Variants in POFUT2 observed in about 807,000 individuals in gnomAD.
POFUT2 encodes the protein protein O-fucosyltransferase 2.
A neutral mutation model predicts 55.0 loss-of-function variants in POFUT2; 30 were observed. The observed-to-expected ratio is 0.55, with a 90% confidence interval of 0.41 to 0.74. The LOEUF is 0.74. POFUT2 is among the 30% of genes least tolerant of loss of function. The pLI, the probability that POFUT2 is intolerant of heterozygous loss-of-function variation, is 0.00. For synonymous variants in POFUT2, 267 were observed against 231.1 expected, an observed-to-expected ratio of 1.16 and a Z score of -1.41; for missense variants, 524 against 562.6, an observed-to-expected ratio of 0.93 and a Z score of 0.69.
At chr21:45,275,308 G>A (rs1569223432) in intron 6 of POFUT2, among the ~76,000 whole-genome samples, 1 of 152,186 alleles carries the variant, frequency 6.6e-6, no homozygotes, top group Non-Finnish European at 1.5e-5. Context: ...GGGATACTGC[G>A]ACACTCCTGG....
Position 45,287,809 on chromosome 21 carries a change from G to C in POFUT2, c.63C>G (p.Ala21=). 6.6e-7 allele frequency: 1 copy of C among 1,511,652 alleles called. No individual in the cohort carries two copies. Among genetic ancestry groups the C allele is most frequent in the Non-Finnish European group, 8.9e-7 (1 of 1,126,560 alleles). The allele number at this position is 1,511,652 out of a possible 1,614,324, so 93.6% of individuals were successfully genotyped here. A position where few individuals can be genotyped will look rare whatever the true frequency, so the allele number is the denominator to read the frequency against. Residue 21 remains alanine (A), a synonymous_variant, in exon 1 of 9, where the codon GCC becomes GCG. Transcript: ENST00000349485. The stretch of plus-strand genomic sequence containing the variant: ...GTCCGGGCCAGAACTCCTGGCCGGA[G>C]GCAGAAGCCGGAGGCCAGGACACTG... ...LGAVSWPPAS[A]SGQEFWPGQS...
Position 45,264,574 on chromosome 21 carries a change from C to G in POFUT2, c.*908G>C, listed in dbSNP as rs904338358. 7 of 152,268 alleles carry G rather than the reference C, an allele frequency of 4.6e-5. No individual in the cohort carries two copies. Among genetic ancestry groups the G allele is most frequent in the Admixed American group, 3.3e-4 (5 of 15,284 alleles). The allele number at this position is 152,268 out of a possible 1,614,324, so 9.4% of individuals were successfully genotyped here. A position where few individuals can be genotyped will look rare whatever the true frequency, so the allele number is the denominator to read the frequency against. On this transcript the variant is annotated 3_prime_UTR_variant, in exon 9 of 9. Coordinates refer to ENST00000349485, the MANE Select transcript of POFUT2 (RefSeq NM_133635.6). ...TTTGGAGTTAGCGTAACTGTCCTTC[C>G]TCATTTCTAGTTCTCAATAGCGAAT...
chr21:45,268,199 G>A (rs1020285688), intron 7 of POFUT2, among the ~76,000 whole-genome samples: 7 of 152,236 alleles, frequency 4.6e-5, no homozygotes, highest in Non-Finnish European at 7.3e-5. Flanking sequence ...TGGCCGGGCC[G>A]GTCTCCAGCC....
intron 8 of POFUT2, chr21:45,266,991 C>G: frequency 9.6e-7 from 1 of 1,038,724 alleles, no homozygotes; most frequent in Non-Finnish European, 1.2e-6. Flanking sequence ...GGAATGACTG[C>G]ACGCAGGGCC....
intron 4 of POFUT2, among the ~76,000 whole-genome samples, chr21:45,278,447 G>A (rs2030094012): frequency 6.6e-6 from 1 of 152,244 alleles, no homozygotes; most frequent in East Asian, 1.9e-4. Context: ...GTATTTGACA[G>A]TGGGCAAAAG....
chr21:45,264,357 G>C lies in POFUT2; in HGVS notation c.*1125C>G, dbSNP rs181475993. ...ATGGTGGAAAGTCACAAAGGGTAAC[G>C]GGCCAAGAGGGTGAGGGGGGCTCCC... On this transcript the variant is annotated 3_prime_UTR_variant, in exon 9 of 9. Coordinates refer to ENST00000349485, the MANE Select transcript of POFUT2 (RefSeq NM_133635.6). The C allele has an allele frequency of 5.2e-5, 8 of 152,422 alleles. 1 individual carries two copies. Among genetic ancestry groups the C allele is most frequent in the Middle Eastern group, 6.8e-3 (2 of 294 alleles). The allele number at this position is 152,422 out of a possible 1,614,324, so 9.4% of individuals were successfully genotyped here.
rs779086770 is a variant in POFUT2, at chr21:45,281,716, GC to G, written c.638+632del. ...CTGGTCTATGGGAGACGCTCACAGT[GC>G]CTGCTGGGGGATTCAGAAGACCCAA... On this transcript the variant is annotated intron_variant, in intron 4 of 8. Coordinates refer to ENST00000349485, the MANE Select transcript of POFUT2 (RefSeq NM_133635.6). This position sits in a 1 kb window ranked among gnomAD's most constrained non-coding sequence, Gnocchi z 5.0. Among the ~76,000 whole-genome samples, 2 of 152,076 alleles carry G rather than the reference GC, an allele frequency of 1.3e-5. No homozygotes were observed. The highest frequency in any genetic ancestry group is 2.9e-5 in the Non-Finnish European group (2 of 68,024).
At chr21:45,283,044 C>A in intron 3 of POFUT2, 1 of 401,224 alleles carries the variant, frequency 2.5e-6, no homozygotes, top group Non-Finnish European at 5.1e-6. Flanking sequence ...AAAGGGGAAC[C>A]GCCTGTCAAG....
Position 45,277,047 on chromosome 21 carries a change from G to A in POFUT2, c.801C>T (p.Ile267=), listed in dbSNP as rs146423023. 1 of 1,614,100 alleles carries A rather than the reference G, an allele frequency of 6.2e-7. No individual in the cohort carries two copies. Among genetic ancestry groups the A allele is most frequent in the Admixed American group, 1.7e-5 (1 of 60,028 alleles). ...TCTTCATCCAGTCCTCCTGGAAGGGGATCCTGTCTGCGTCGTCCGTGGAGT... is the reference window on the plus strand; with the variant it reads ...TCTTCATCCAGTCCTCCTGGAAGGGAATCCTGTCTGCGTCGTCCGTGGAGT... ...HLNSTDDADR[I]PFQEDWMKMK... is the part of the protein sequence containing the mutation. Residue 267 remains isoleucine (I), a synonymous_variant, in exon 6 of 9, where the codon ATC becomes ATT. Coordinates refer to ENST00000349485, the MANE Select transcript of POFUT2 (RefSeq NM_133635.6). This position sits in a 1 kb window ranked among gnomAD's most constrained non-coding sequence, Gnocchi z 6.9.
rs116304182 is a variant in POFUT2 at position 45,278,082 on chromosome 21, C to T, written c.705+21G>A. On this transcript the variant is annotated intron_variant, in intron 5 of 8. Coordinates refer to ENST00000349485, the MANE Select transcript of POFUT2 (RefSeq NM_133635.6). ...GGCAACATACACTAACTGAGAAAAA[C>T]GCTCCCGAGGAAACACTCACATCCC... The T allele has an allele frequency of 1.5e-3, 2,426 of 1,600,810 alleles. 21 individuals are homozygous for T. The African/African-American group carries it at 0.023, about 15-fold the overall frequency.
intron 6 of POFUT2, among the ~76,000 whole-genome samples, chr21:45,273,549 G>A (rs1269758781): frequency 6.6e-6 from 1 of 152,108 alleles, no homozygotes; most frequent in Non-Finnish European, 1.5e-5. Context: ...GATGAACATA[G>A]ATGCAAAAAT....
Position 45,277,810 on chromosome 21 carries a change from C to A in POFUT2, c.705+293G>T. 8.3e-6 allele frequency: 4 copies of A among 481,450 alleles called. No homozygotes were observed. The South Asian group carries it at 1.1e-4, about 13-fold the overall frequency. 29.8% of individuals were successfully genotyped at this position (481,450 alleles called of 1,614,324 possible). On this transcript the variant is annotated intron_variant, in intron 5 of 8. Coordinates refer to ENST00000349485, the MANE Select transcript of POFUT2 (RefSeq NM_133635.6). This position sits in a 1 kb window ranked among gnomAD's most constrained non-coding sequence, Gnocchi z 6.9. ...AGAAAGGAGGGGTCTACGTTCCAGCCACTGACGGAGTCACTGACTCCGGGG... is the reference window on the plus strand; with the variant it reads ...AGAAAGGAGGGGTCTACGTTCCAGCAACTGACGGAGTCACTGACTCCGGGG...
chr21:45,268,678 C>G (rs1181373738), intron 7 of POFUT2, among the ~76,000 whole-genome samples: 1 of 150,440 alleles, frequency 6.6e-6, no homozygotes, highest in African/African-American at 2.5e-5. Context: ...GGCCACGACC[C>G]CGTCTGGGAG....
rs140118027 is a variant in POFUT2 at position 45,273,547 on chromosome 21, T to C, written c.831+3470A>G. The stretch of plus-strand genomic sequence containing the variant: ...AACAGACCAATATCCCTGATGAACA[T>C]AGATGCAAAAATCCTTAACAAAATA... On this transcript the variant is annotated intron_variant, in intron 6 of 8. Transcript: ENST00000349485. Among the ~76,000 whole-genome samples the C allele has an allele frequency of 2.4e-3, 358 of 152,222 alleles. 1 individual carries two copies. Among genetic ancestry groups the C allele is most frequent in the African/African-American group, 7.9e-3 (329 of 41,552 alleles).
At chr21:45,283,181 C>T (rs954357312) in intron 3 of POFUT2, among the ~76,000 whole-genome samples, 3 of 139,242 alleles carry the variant, frequency 2.2e-5, no homozygotes, top group African/African-American at 5.3e-5. Context: ...GAGGGCACTG[C>T]GGGGGAGGCG....
intron 6 of POFUT2, among the ~76,000 whole-genome samples, chr21:45,272,937 A>C (rs778286584): frequency 1.2e-4 from 18 of 152,262 alleles, no homozygotes; most frequent in Non-Finnish European, 2.1e-4. Context: ...AAATGCTTAC[A>C]TCAAAAAATC....
Position 45,277,141 on chromosome 21 carries a change from G to A in POFUT2, c.707C>T (p.Thr236Ile). The A allele has an allele frequency of 6.2e-7, 1 of 1,613,112 alleles. No individual in the cohort carries two copies. Reference protein sequence around the residue: ...DHYGGKEYWDTRRSMVFARHL... With the variant: ...DHYGGKEYWDIRRSMVFARHL... ...CCTGGCAAACACCATGCTGCGACGG[G>A]TCTGTGGAAACGGCGACGGCTCGGC... Residue 236 changes from threonine (T) to isoleucine (I), a missense_variant and splice_region_variant, in exon 6 of 9, where the codon ACC becomes ATC. By Grantham distance (89) the Thr-to-Ile change is moderately conservative. This residue lies in a region of POFUT2 where 250 missense variants were observed against 318.2 expected (regional missense o/e 0.79). Transcript: ENST00000349485. This position sits in a 1 kb window ranked among gnomAD's most constrained non-coding sequence, Gnocchi z 6.9.
chr21:45,283,323 G>GGGCCC, intron 3 of POFUT2, 60 bp downstream of exon 3: 1 of 585,716 alleles, frequency 1.7e-6, no homozygotes, highest in Non-Finnish European at 2.5e-6. Context: ...GGGGGGGGAC[G>GGGCCC]CATGCGGCAG....
intron 3 of POFUT2, 129 bp downstream of exon 3, chr21:45,283,254 G>A: frequency 2.2e-6 from 1 of 453,268 alleles, no homozygotes; most frequent in South Asian, 2.2e-5. Context: ...GTGCTGCAGG[G>A]GGGGCGGGGG....
Sources: allele counts gnomAD v4.1 joint callset (sites outside exome capture counted in the v4.1 genomes callset), GRCh38; gene constraint gnomAD v4.1.1; regional missense constraint gnomAD v4.1.1; non-coding constraint Gnocchi (gnomAD v3.1); transcripts MANE v1.5; gene names NCBI Gene and HGNC (gene_info 2026-07-23, HGNC 2026-07-21).